The following CCDC146 variants were observed in gnomAD, a reference collection of about 807,000 sequenced individuals.
The protein encoded by CCDC146 is coiled-coil domain containing 146, also known as coiled-coil domain-containing protein 146.
CCDC146 carries 92 observed loss-of-function variants against 119.3 expected under a neutral mutation model. The observed-to-expected ratio is 0.77, with a 90% CI of 0.65 to 0.92. The LOEUF is 0.92. Ranked by LOEUF, CCDC146 falls within the 40% of genes least tolerant of loss-of-function variation. CCDC146 has a pLI of 0.00. For missense variants in CCDC146, 1,000 were observed against 1,103.0 expected (o/e 0.91, Z 1.32); for synonymous variants, 372 against 371.8 (o/e 1.00, Z -0.01).
chr7:77,251,106 C>T (rs3108422), intron 4 of CCDC146, among the ~76,000 whole-genome samples: 84,979 of 151,304 alleles, frequency 0.56, 26,374 homozygotes, highest in Non-Finnish European at 0.7. Flanking sequence ...ACTGCAACCT[C>T]TGCCTCCCAG....
chr7:77,240,759 C>T (rs529167491), intron 3 of CCDC146, among the ~76,000 whole-genome samples: 1 of 152,306 alleles, frequency 6.6e-6, no homozygotes, highest in South Asian at 2.1e-4. Context: ...GAGCATCTTA[C>T]ATAACCATGG....
intron 1 of CCDC146, among the ~76,000 whole-genome samples, chr7:77,150,641 ATTTGGCTGTTTCC>A (rs1344781348): frequency 2.6e-5 from 4 of 152,194 alleles, no homozygotes; most frequent in Non-Finnish European, 5.9e-5. Flanking sequence ...TTGGGAACCA[ATTTGGCTGTTTCC>A]TATAAAATTA....
At chr7:77,222,207 C>T (rs1792418115) in intron 2 of CCDC146, among the ~76,000 whole-genome samples, 3 of 152,170 alleles carry the variant, frequency 2.0e-5, no homozygotes, top group Admixed American at 6.5e-5. Context: ...GTTCAAGTTG[C>T]AATTTTGAGT....
At chr7:77,155,346 C>T (rs532192892) in intron 1 of CCDC146, among the ~76,000 whole-genome samples, 2 of 152,144 alleles carry the variant, frequency 1.3e-5, no homozygotes, top group African/African-American at 4.8e-5. Flanking sequence ...TTGTCTCTAA[C>T]TGATTTACAC....
chr7:77,181,851 C>T (rs1168602886), intron 2 of CCDC146, among the ~76,000 whole-genome samples: 1 of 151,920 alleles, frequency 6.6e-6, no homozygotes, highest in Non-Finnish European at 1.5e-5. Context: ...TGTGTCATAC[C>T]TTAAAGACTT....
chr7:77,182,392 G>A (rs777634873), intron 2 of CCDC146, among the ~76,000 whole-genome samples: 5 of 152,090 alleles, frequency 3.3e-5, no homozygotes, highest in Admixed American at 1.3e-4. Context: ...ATACTTCAGG[G>A]ATACTTCACT....
At chr7:77,269,892 G>A (rs1313036067) in intron 9 of CCDC146, among the ~76,000 whole-genome samples, 1 of 152,212 alleles carries the variant, frequency 6.6e-6, no homozygotes, top group Non-Finnish European at 1.5e-5. Flanking sequence ...GAAAACAGGA[G>A]TGGGTCAGGC....
intron 1 of CCDC146, among the ~76,000 whole-genome samples, chr7:77,138,329 T>C (rs1318169850): frequency 7.1e-6 from 1 of 140,306 alleles, no homozygotes; most frequent in Non-Finnish European, 1.6e-5. Context: ...ACTGGACATG[T>C]ACATGCAAAA....
chr7:77,214,329 C>T (rs2150453254), intron 2 of CCDC146, among the ~76,000 whole-genome samples: 1 of 152,122 alleles, frequency 6.6e-6, no homozygotes, highest in Non-Finnish European at 1.5e-5. Context: ...GATTTAAGTT[C>T]CTTATAGATT....
intron 2 of CCDC146, among the ~76,000 whole-genome samples, chr7:77,235,325 A>G (rs1345897217): frequency 6.6e-6 from 1 of 152,234 alleles, no homozygotes; most frequent in Non-Finnish European, 1.5e-5. Context: ...ACACGTGGTT[A>G]TCTTCTTTAG....
At chr7:77,157,424 G>T (rs934335165) in intron 1 of CCDC146, among the ~76,000 whole-genome samples, 1 of 149,710 alleles carries the variant, frequency 6.7e-6, no homozygotes, top group Non-Finnish European at 1.5e-5. Flanking sequence ...GCAGTATTTG[G>T]TTTTTACACA....
intron 3 of CCDC146, among the ~76,000 whole-genome samples, chr7:77,238,559 G>A (rs1292019460): frequency 6.6e-6 from 1 of 152,124 alleles, no homozygotes; most frequent in Non-Finnish European, 1.5e-5. Flanking sequence ...TAGGACTACA[G>A]GAGCCCGCCA....
Position 77,287,539 on chromosome 7 carries a change from C to G in CCDC146, c.2377C>G (p.Gln793Glu), listed in dbSNP as rs781033186. The G allele has an allele frequency of 6.2e-7, 1 of 1,613,938 alleles. No homozygotes were observed. Among genetic ancestry groups the G allele is most frequent in the Non-Finnish European group, 8.5e-7 (1 of 1,179,994 alleles). Reference protein sequence around the residue: ...RLTDRLCSKTQGCKQDTLLLA... With the variant: ...RLTDRLCSKTEGCKQDTLLLA... ...CACAGACAGGCTCTGCAGCAAAACT[C>G]AGGGCTGCAAGCAGGACACACTGCT... The change falls in exon 17 of 19, where the codon CAG (glutamine) becomes GAG (glutamate). Residue 793 changes from glutamine (Q) to glutamate (E), a missense_variant. By Grantham distance (29) the Gln-to-Glu change is conservative (BLOSUM62 2). Transcript: ENST00000285871.
intron 1 of CCDC146, among the ~76,000 whole-genome samples, chr7:77,133,652 C>CCTTTT (rs1554345434): frequency 7.3e-6 from 1 of 137,832 alleles, no homozygotes. Context: ...CCTGGAACAC[C>CCTTTT]TTTTTTTTTT....
In CCDC146 at chr7:77,199,339, T is replaced by C. The variant is rs746118158; in HGVS notation, c.156+31515T>C. The stretch of plus-strand genomic sequence containing the variant: ...CTTCTCCAGGCGACCATGAAGTACA[T>C]TGATCTCCTCTTTGGCATTCTTTAG... On this transcript the variant is annotated intron_variant, in intron 2 of 18. Coordinates refer to ENST00000285871, the MANE Select transcript of CCDC146 (RefSeq NM_020879.3). The C allele has an allele frequency of 9.5e-5, 154 of 1,614,124 alleles. 4 individuals carry two copies. The Middle Eastern group carries it at 4.5e-3, about 47-fold the overall frequency.
chr7:77,275,301 A>C (rs1793612841), intron 11 of CCDC146, among the ~76,000 whole-genome samples: 1 of 152,186 alleles, frequency 6.6e-6, no homozygotes, highest in Non-Finnish European at 1.5e-5. Context: ...AGGGTCCTGG[A>C]ACCAGTTCCC....
At chr7:77,197,114 C>T in intron 2 of CCDC146, 1 of 637,232 alleles carries the variant, frequency 1.6e-6, no homozygotes, top group East Asian at 2.7e-5. Context: ...ACTAAACTTA[C>T]TTGAACCTGT....
At chr7:77,199,096 T>A in intron 2 of CCDC146, 3 of 1,175,314 alleles carry the variant, frequency 2.6e-6, no homozygotes, top group Non-Finnish European at 3.6e-6. Flanking sequence ...TCTATTTAAC[T>A]TACTGACTCA....
chr7:77,245,704 A>G (rs1020542239), intron 4 of CCDC146, among the ~76,000 whole-genome samples: 1 of 152,204 alleles, frequency 6.6e-6, no homozygotes, highest in African/African-American at 2.4e-5. Flanking sequence ...TGCTGATAGC[A>G]AAGTTGGAAC....
Sources: allele counts gnomAD v4.1 joint callset (sites outside exome capture counted in the v4.1 genomes callset), GRCh38; gene constraint gnomAD v4.1.1; transcripts MANE v1.5; gene names NCBI Gene and HGNC (gene_info 2026-07-23, HGNC 2026-07-21).